Variants in ZNF48 observed in about 807,000 individuals in gnomAD.
The protein encoded by ZNF48 is zinc finger protein 48.
A neutral mutation model predicts 40.0 loss-of-function variants in ZNF48; 20 were observed. The observed-to-expected ratio is 0.50, with a 90% CI of 0.35 to 0.73. ZNF48 has a LOEUF of 0.73. ZNF48 is among the 30% of genes least tolerant of loss of function. ZNF48 has a pLI of 0.01. For missense variants in ZNF48, 726 were observed against 851.9 expected (o/e 0.85, Z 1.84); for synonymous variants, 298 against 329.7 (o/e 0.90, Z 1.04).
At position 30,382,818 on chromosome 16, in the gene ZNF48, A is replaced by C; in HGVS notation, c.-16+4408A>C. 2 of 1,531,080 alleles carry C rather than the reference A, an allele frequency of 1.3e-6. No homozygotes were observed. Among genetic ancestry groups the C allele is most frequent in the Non-Finnish European group, 1.8e-6 (2 of 1,142,638 alleles). 94.8% of individuals were successfully genotyped at this position (1,531,080 alleles called of 1,614,324 possible). A position where few individuals can be genotyped will look rare whatever the true frequency, so the allele number is the denominator to read the frequency against. On this transcript the variant is annotated intron_variant, in intron 1 of 2. Coordinates refer to the ZNF48 transcript ENST00000528032. This position sits in a 1 kb window ranked among gnomAD's most constrained non-coding sequence, Gnocchi z 4.8. Reference sequence around the variant, plus strand: ...GTGGTGAGACATGGGGTATGTGCAGAGAGGAAGGAAGTGGCTCCCTTTGTT... The same window carrying C: ...GTGGTGAGACATGGGGTATGTGCAGCGAGGAAGGAAGTGGCTCCCTTTGTT...
At chr16:30,378,736 C>A (rs1038534122) in intron 1 of ZNF48, 3 of 1,581,082 alleles carry the variant, frequency 1.9e-6, no homozygotes, top group South Asian at 1.1e-5. Context: ...GAATCAGGAG[C>A]GGGACCTGAG....
chr16:30,380,299 A>G, intron 1 of ZNF48: 1 of 208,542 alleles, frequency 4.8e-6, no homozygotes. Context: ...CATCTCTACA[A>G]CAAATATACA....
At chr16:30,378,900 G>T in intron 1 of ZNF48, 1 of 687,308 alleles carries the variant, frequency 1.5e-6, no homozygotes, top group Non-Finnish European at 2.3e-6. Context: ...GGGAGGGAGG[G>T]AGAGAGAAGT....
Position 30,382,778 on chromosome 16 carries a change from T to C in ZNF48, c.-16+4368T>C, listed in dbSNP as rs1268834135. The stretch of plus-strand genomic sequence containing the variant: ...CACACATCTGGATTCCAAGTCCCAC[T>C]GTAGCTCCATCATCGTGGTGAGACA... On this transcript the variant is annotated intron_variant, in intron 1 of 2. Coordinates refer to the ZNF48 transcript ENST00000528032. The surrounding 1 kb of genome is among the most constrained non-coding windows in gnomAD (Gnocchi z 4.8). 2.0e-6 allele frequency: 3 copies of C among 1,535,866 alleles called. No homozygotes were observed. Among genetic ancestry groups the C allele is most frequent in the South Asian group, 2.4e-5 (2 of 84,064 alleles).
At chr16:30,387,863 G>A (rs1420979482) in intron 1 of ZNF48, among the ~76,000 whole-genome samples, 3 of 151,500 alleles carry the variant, frequency 2.0e-5, no homozygotes, top group Non-Finnish European at 2.9e-5. Flanking sequence ...TATCCTTCTC[G>A]TACGCCTATA....
chr16:30,391,524 T>C (rs1287557794), upstream of ZNF48, among the ~76,000 whole-genome samples: 1 of 151,004 alleles, frequency 6.6e-6, no homozygotes, highest in African/African-American at 2.4e-5. Flanking sequence ...TAAACAGAGT[T>C]TTGTTCTGTT....
chr16:30,388,128 G>C (rs1193436335), intron 1 of ZNF48, among the ~76,000 whole-genome samples: 1 of 151,630 alleles, frequency 6.6e-6, no homozygotes, highest in Admixed American at 6.6e-5. Flanking sequence ...GCACCACCAC[G>C]CTTGGCTAAT....
At position 30,397,353 on chromosome 16, in the gene ZNF48, T is replaced by C. The variant is rs1347338331; in HGVS notation, c.103T>C (p.Ser35Pro). Residue 35 changes from serine (S) to proline (P), a missense_variant, in exon 3 of 3, where the codon TCT becomes CCT. Around this residue, in one of 5 missense-constraint regions of ZNF48, gnomAD observed 151 missense variants for 162.3 expected, o/e 0.93. Coordinates refer to ENST00000613509, the MANE Select transcript of ZNF48 (RefSeq NM_001214909.2). The surrounding 1 kb of genome is among the most constrained non-coding windows in gnomAD (Gnocchi z 4.1). ...RTGLGSENVISQPNEFEHTPQ... is the reference protein window; with the variant it reads ...RTGLGSENVIPQPNEFEHTPQ... ...AGGTCTAGGGAGTGAGAACGTGATTTCTCAGCCGAATGAGTTTGAACATAC... is the reference window on the plus strand; with the variant it reads ...AGGTCTAGGGAGTGAGAACGTGATTCCTCAGCCGAATGAGTTTGAACATAC... 6.2e-7 allele frequency: 1 copy of C among 1,613,420 alleles called. No individual in the cohort carries two copies. The highest frequency in any genetic ancestry group is 8.5e-7 in the Non-Finnish European group (1 of 1,179,618).
chr16:30,383,212 G>A (rs190477920), intron 1 of ZNF48, among the ~76,000 whole-genome samples: 2 of 152,064 alleles, frequency 1.3e-5, no homozygotes, highest in South Asian at 2.1e-4. Context: ...TTTTTGAGAC[G>A]GAGTCTCGCT....
At chr16:30,395,200 T>G, upstream of ZNF48, 1 of 455,664 alleles carries the variant, frequency 2.2e-6, no homozygotes, top group South Asian at 1.6e-5. The surrounding 1 kb of genome is among the most constrained non-coding windows in gnomAD (Gnocchi z 5.9). Flanking sequence ...CAGCCACAAT[T>G]ACGAAGAGCC....
At chr16:30,387,869 C>A (rs2049913511) in intron 1 of ZNF48, among the ~76,000 whole-genome samples, 1 of 151,930 alleles carries the variant, frequency 6.6e-6, no homozygotes, top group Non-Finnish European at 1.5e-5. Context: ...TCTCGTACGC[C>A]TATATATATG....
Position 30,381,759 on chromosome 16 carries a change from CCAGT to C in ZNF48, c.-16+3353_-16+3356del. ...CCTCTGTCCCCTTTCCTCTTCCTCA[CCAGT>C]CAGAGCAGTCCACTGAGTCCCCAAA... On this transcript the variant is annotated intron_variant, in intron 1 of 2. Coordinates refer to the ZNF48 transcript ENST00000528032. The surrounding 1 kb of genome is among the most constrained non-coding windows in gnomAD (Gnocchi z 4.3). The C allele has an allele frequency of 6.2e-7, 1 of 1,613,820 alleles. No homozygotes were observed. Among genetic ancestry groups the C allele is most frequent in the Non-Finnish European group, 8.5e-7 (1 of 1,179,894 alleles).
upstream of ZNF48, among the ~76,000 whole-genome samples, chr16:30,393,113 G>T (rs1312916068): frequency 6.7e-6 from 1 of 149,926 alleles, no homozygotes; most frequent in Non-Finnish European, 1.5e-5. Flanking sequence ...TCTCGCTCTT[G>T]TCCCCCAGGC....
chr16:30,397,533 C>T lies in ZNF48; in HGVS notation c.283C>T (p.Pro95Ser). 1 of 1,614,074 alleles carries T rather than the reference C, an allele frequency of 6.2e-7. No individual in the cohort carries two copies. The highest frequency in any genetic ancestry group is 2.2e-5 in the East Asian group (1 of 44,892). ...AAAGCCTCAGCCTCGGGACAGAGGC[C>T]CCCGGCTCCTGGGTGAACCACGCTG... Reference protein sequence around the residue: ...LGKPQPRDRGPRLLGEPRWGQ... With the variant: ...LGKPQPRDRGSRLLGEPRWGQ... The change falls in exon 3 of 3, where the codon CCC becomes TCC. Residue 95 changes from proline (P) to serine (S), a missense_variant. By Grantham distance (74) the Pro-to-Ser change is moderately conservative. This residue lies in a region of ZNF48 where 151 missense variants were observed against 162.3 expected (regional missense o/e 0.93). Transcript: ENST00000613509. This position sits in a 1 kb window ranked among gnomAD's most constrained non-coding sequence, Gnocchi z 4.1.
Position 30,398,980 on chromosome 16 carries a change from G to T in ZNF48, c.1730G>T (p.Gly577Val). Residue 577 changes from glycine to valine, a missense_variant, in exon 3 of 3, where the codon GGC (glycine) becomes GTC (valine). By Grantham distance (109) the Gly-to-Val change is moderately radical. This residue lies in a region of ZNF48 where 166 missense variants were observed against 163.6 expected (regional missense o/e 1.01). Transcript: ENST00000613509. This position sits in a 1 kb window ranked among gnomAD's most constrained non-coding sequence, Gnocchi z 6.6. ...AAGCCATACAAGTGTGCAGAGTGTG[G>T]CAAGGGTTTTGGTGACAGTTCTGCC... ...GEKPYKCAEC[G>V]KGFGDSSARI... is the part of the protein sequence containing the mutation. The T allele has an allele frequency of 6.2e-7, 1 of 1,614,114 alleles. No individual in the cohort carries two copies. The highest frequency in any genetic ancestry group is 8.5e-7 in the Non-Finnish European group (1 of 1,180,034).
At chr16:30,390,944 T>G (rs1029281876), upstream of ZNF48, among the ~76,000 whole-genome samples, 13 of 151,814 alleles carry the variant, frequency 8.6e-5, no homozygotes, top group African/African-American at 3.1e-4. Flanking sequence ...TTTCAATGTG[T>G]TAGCCAGGAT....
Position 30,398,835 on chromosome 16 carries a change from C to T in ZNF48, c.1585C>T (p.Arg529Ter), listed in dbSNP as rs756308918. ...ACCTGGCCCAGTACCCATGGCCCCT[C>T]GACCCCGAGTTCGGGCCCAGCCTTC... ...NPPGPVPMAP[R>*]PRVRAQPSGP... Residue 529 changes from arginine (R) to a stop codon, truncating the protein, a stop_gained, in exon 3 of 3, where the codon CGA (arginine) becomes TGA (stop). Coordinates refer to ENST00000613509, the MANE Select transcript of ZNF48 (RefSeq NM_001214909.2). LOFTEE classifies it high-confidence loss of function. The surrounding 1 kb of genome is among the most constrained non-coding windows in gnomAD (Gnocchi z 6.6). 19 of 1,613,746 alleles carry T rather than the reference C, an allele frequency of 1.2e-5. No homozygotes were observed. Among genetic ancestry groups the T allele is most frequent in the Admixed American group, 5.0e-5 (3 of 60,002 alleles).
Position 30,382,072 on chromosome 16 carries a change from A to G in ZNF48, c.-16+3662A>G, listed in dbSNP as rs769559821. 3 of 1,579,428 alleles carry G rather than the reference A, an allele frequency of 1.9e-6. No homozygotes were observed. Among genetic ancestry groups the G allele is most frequent in the Non-Finnish European group, 2.6e-6 (3 of 1,161,938 alleles). Reference sequence around the variant, plus strand: ...CCTGGGGACAGGGGCTACTGCCTCAAGAGGGTGGGGAGGGTCTTACCACTG... The same window carrying G: ...CCTGGGGACAGGGGCTACTGCCTCAGGAGGGTGGGGAGGGTCTTACCACTG... On this transcript the variant is annotated intron_variant, in intron 1 of 2. Coordinates refer to the ZNF48 transcript ENST00000528032. The surrounding 1 kb of genome is among the most constrained non-coding windows in gnomAD (Gnocchi z 4.8).
At chr16:30,386,503 T>G (rs190581958) in intron 1 of ZNF48, among the ~76,000 whole-genome samples, 27 of 151,802 alleles carry the variant, frequency 1.8e-4, no homozygotes, top group Admixed American at 1.8e-3. Context: ...TGAAACCCCA[T>G]GTCTACAAAA....
Sources: gnomAD v4.1 joint callset for allele counts (sites outside exome capture counted in the v4.1 genomes callset) on GRCh38, gnomAD v4.1.1 for gene constraint, gnomAD v4.1.1 regional missense constraint, Gnocchi (gnomAD v3.1) non-coding constraint, MANE v1.5 for transcripts, NCBI Gene and HGNC (gene_info 2026-07-23, HGNC 2026-07-21) for gene names.